The following PPAT variants were observed in gnomAD, a reference collection of about 807,000 sequenced individuals.
The protein encoded by PPAT is phosphoribosyl pyrophosphate amidotransferase.
Under a neutral mutation model 60.2 loss-of-function variants are expected in PPAT, and 20 were observed. The observed-to-expected ratio is 0.33, with a 90% CI of 0.23 to 0.48. The LOEUF is 0.48. Ranked by LOEUF, PPAT falls within the 20% of genes least tolerant of loss-of-function variation. The pLI is 0.99. For missense variants in PPAT, 349 were observed against 629.6 expected (o/e 0.55, Z 4.77); for synonymous variants, 194 against 215.1 (o/e 0.90, Z 0.86).
intron 3 of PPAT, chr4:56,404,217 G>A (rs150702472): frequency 8.4e-4 from 211 of 251,102 alleles, no homozygotes; most frequent in Non-Finnish European, 1.3e-3. Flanking sequence ...AGTGGGTAGG[G>A]GTTCCCAAAA....
chr4:56,427,709 G>A (rs1279636673), intron 1 of PPAT, among the ~76,000 whole-genome samples: 2 of 151,496 alleles, frequency 1.3e-5, no homozygotes, highest in Non-Finnish European at 2.9e-5. Context: ...GAGAATTTAA[G>A]ATGAGAGGAA....
intron 3 of PPAT, among the ~76,000 whole-genome samples, chr4:56,405,227 ATATTC>A (rs1201021233): frequency 6.6e-6 from 1 of 152,022 alleles, no homozygotes; most frequent in Non-Finnish European, 1.5e-5. Context: ...CCCTTTTCCC[ATATTC>A]TAGTTTCCTG....
At chr4:56,407,244 ATTAT>A (rs1412058999) in intron 2 of PPAT, among the ~76,000 whole-genome samples, 2 of 152,230 alleles carry the variant, frequency 1.3e-5, no homozygotes, top group Admixed American at 6.5e-5. Flanking sequence ...TTGATTGCAA[ATTAT>A]TTATTCAAAT....
chr4:56,412,379 G>A (rs556018233), intron 1 of PPAT, among the ~76,000 whole-genome samples: 1 of 151,122 alleles, frequency 6.6e-6, no homozygotes, highest in African/African-American at 2.4e-5. Flanking sequence ...TGTGATCTTG[G>A]CTCATTGCTG....
chr4:56,427,535 G>T (rs1349869830), intron 1 of PPAT, among the ~76,000 whole-genome samples: 1 of 152,040 alleles, frequency 6.6e-6, no homozygotes, highest in Non-Finnish European at 1.5e-5. Context: ...CACTAGGCAT[G>T]GTGGTAGGCA....
At position 56,418,685 on chromosome 4, in the gene PPAT, C is replaced by T. The variant is rs148847610; in HGVS notation, c.129-10969G>A. ...CCTGTCTCAAAAAAAACACAAAGAC[C>T]AAAGTTAATGTGCTTGTAAGTTTAT... On this transcript the variant is annotated intron_variant, in intron 1 of 10. Transcript: ENST00000264220. 4.6e-5 allele frequency among the ~76,000 whole-genome samples: 7 copies of T among 152,122 alleles called. No homozygotes were observed. In the East Asian group the frequency reaches 1.4e-3, roughly 29 times the overall value.
chr4:56,400,793 G>A lies in PPAT; in HGVS notation c.1005C>T (p.Tyr335=), dbSNP rs77101789. 6,000 of 1,612,682 alleles carry A rather than the reference G, an allele frequency of 3.7e-3. 188 individuals are homozygous for A. The East Asian group carries it at 0.079, about 21-fold the overall frequency. ...AATTAAGAGAAAATACCTTTCCTGCGTAAGCAAGAGCAGCAGGCGTAGCAG... is the reference window on the plus strand; with the variant it reads ...AATTAAGAGAAAATACCTTTCCTGCATAAGCAAGAGCAGCAGGCGTAGCAG... ...PESATPAALA[Y]AGKCGLPYVE... The change falls in exon 8 of 11, where the codon TAC becomes TAT. Residue 335 remains tyrosine, a synonymous_variant. Transcript: ENST00000264220.
intron 1 of PPAT, among the ~76,000 whole-genome samples, chr4:56,432,742 G>A (rs1464925500): frequency 6.1e-5 from 9 of 146,662 alleles, no homozygotes; most frequent in East Asian, 2.0e-4. Context: ...GGGAGACTGC[G>A]CCACTGAACT....
intron 1 of PPAT, among the ~76,000 whole-genome samples, chr4:56,413,570 G>A (rs1362360339): frequency 1.3e-5 from 2 of 152,164 alleles, no homozygotes; most frequent in East Asian, 3.9e-4. Context: ...GAGTATTGAT[G>A]GGAAGAAGGG....
chr4:56,411,109 T>TA (rs1005031912), intron 1 of PPAT, among the ~76,000 whole-genome samples: 1 of 152,178 alleles, frequency 6.6e-6, no homozygotes, highest in Admixed American at 6.5e-5. Flanking sequence ...ATTACCACTT[T>TA]AAAAAAATCT....
chr4:56,420,178 A>G (rs1168705197), intron 1 of PPAT: 1 of 178,604 alleles, frequency 5.6e-6, no homozygotes, highest in Non-Finnish European at 1.1e-5. Flanking sequence ...GAGTATTTGC[A>G]TATACATAGT....
At chr4:56,414,833 G>C (rs1716639865) in intron 1 of PPAT, among the ~76,000 whole-genome samples, 1 of 152,152 alleles carries the variant, frequency 6.6e-6, no homozygotes. Context: ...CATAACTCCA[G>C]ATTTTTATTT....
chr4:56,428,699 A>G (rs950869248), intron 1 of PPAT, among the ~76,000 whole-genome samples: 1 of 152,168 alleles, frequency 6.6e-6, no homozygotes, highest in Non-Finnish European at 1.5e-5. Flanking sequence ...TAAAAATGAA[A>G]TCCTTACACT....
intron 2 of PPAT, among the ~76,000 whole-genome samples, chr4:56,407,063 A>G (rs1716258399): frequency 6.6e-6 from 1 of 152,236 alleles, no homozygotes; most frequent in African/African-American, 2.4e-5. Flanking sequence ...TGTCAAGTAT[A>G]AAAACTAAAA....
rs113640946 is a variant in PPAT, at chr4:56,426,401, CA to C, written c.128+8948del. Among the ~76,000 whole-genome samples, 995 of 139,850 alleles carry C rather than the reference CA, an allele frequency of 7.1e-3. 6 individuals carry two copies. The highest frequency in any genetic ancestry group is 0.021 in the African/African-American group (803 of 38,640). 91.7% of individuals were successfully genotyped at this position (139,850 alleles called of 152,430 possible). A position where few individuals can be genotyped will look rare whatever the true frequency, so the allele number is the denominator to read the frequency against. On this transcript the variant is annotated intron_variant, in intron 1 of 10. Transcript: ENST00000264220. Reference sequence around the variant, plus strand: ...TGGGCGACTGAGCAAGACTCTGTCTCAAAAAAAAAAAAGAAAGAAACCCCAT... The same window carrying C: ...TGGGCGACTGAGCAAGACTCTGTCTCAAAAAAAAAAAGAAAGAAACCCCAT...
intron 1 of PPAT, chr4:56,410,573 G>C (rs2176785): frequency 0.47 from 467,425 of 984,678 alleles, 112,093 homozygotes; most frequent in Non-Finnish European, 0.49. Context: ...TTTGCTAAGT[G>C]TCTGGGCAGA....
intron 1 of PPAT, among the ~76,000 whole-genome samples, chr4:56,414,624 A>G (rs1410825172): frequency 6.6e-6 from 1 of 152,250 alleles, no homozygotes; most frequent in Non-Finnish European, 1.5e-5. Flanking sequence ...AACTTAAGAA[A>G]AAATTATCTG....
In PPAT at chr4:56,396,887, T is replaced by C. The variant is rs1715979076; in HGVS notation, c.1237-148A>G. The C allele has an allele frequency of 1.4e-6, 1 of 731,960 alleles. No individual in the cohort carries two copies. Among genetic ancestry groups the C allele is most frequent in the Non-Finnish European group, 2.0e-6 (1 of 502,338 alleles). The allele number at this position is 731,960 out of a possible 1,614,324, so 45.3% of individuals were successfully genotyped here. On this transcript the variant is annotated intron_variant, in intron 9 of 10. Transcript: ENST00000264220. The surrounding 1 kb of genome is among the most constrained non-coding windows in gnomAD (Gnocchi z 4.6). ...TTTCTACAAAGCTGCTTCTTGGTTT[T>C]TTTTTTCTTTCACCTAATCATGAGG...
At chr4:56,411,692 T>C (rs950710286) in intron 1 of PPAT, among the ~76,000 whole-genome samples, 1 of 152,204 alleles carries the variant, frequency 6.6e-6, no homozygotes, top group African/African-American at 2.4e-5. Flanking sequence ...ACTATCTGTG[T>C]GTACCATGGG....
Sources: gnomAD v4.1 joint callset for allele counts (sites outside exome capture counted in the v4.1 genomes callset) on GRCh38, gnomAD v4.1.1 for gene constraint, Gnocchi (gnomAD v3.1) non-coding constraint, MANE v1.5 for transcripts, NCBI Gene and HGNC (gene_info 2026-07-23, HGNC 2026-07-21) for gene names.